The following CCSER1 variants were observed in gnomAD, a reference collection of about 807,000 sequenced individuals.
CCSER1 encodes the protein serine-rich coiled-coil domain-containing protein 1.
CCSER1 carries 41 observed loss-of-function variants against 82.0 expected under a neutral mutation model. The observed-to-expected ratio is 0.50, with a 90% CI of 0.39 to 0.65. CCSER1 has a LOEUF of 0.65. Among genes scored for constraint, CCSER1 ranks in the 30% least tolerant of loss-of-function variants. CCSER1 has a pLI of 0.00. For synonymous variants in CCSER1, 414 were observed against 383.9 expected (o/e 1.08, Z -0.92); for missense variants, 1,119 against 1,064.2 (o/e 1.05, Z -0.72).
intron 10 of CCSER1, among the ~76,000 whole-genome samples, chr4:91,540,009 C>A (rs904899586): frequency 2.0e-5 from 3 of 152,186 alleles, no homozygotes; most frequent in Middle Eastern, 6.8e-3. Flanking sequence ...ATAAGTAAGT[C>A]TCTAAAAATT....
chr4:90,783,480 C>T (rs1325054591), intron 7 of CCSER1, among the ~76,000 whole-genome samples: 2 of 152,112 alleles, frequency 1.3e-5, no homozygotes, highest in Non-Finnish European at 2.9e-5. Flanking sequence ...TAAGAAACTC[C>T]TGGGGATCAC....
intron 5 of CCSER1, among the ~76,000 whole-genome samples, chr4:90,492,938 A>G (rs1339425451): frequency 6.6e-6 from 1 of 152,162 alleles, no homozygotes; most frequent in African/African-American, 2.4e-5. Flanking sequence ...TTTACTTCCA[A>G]CTAGGCTTCA....
chr4:91,064,699 A>T (rs1056100149), intron 9 of CCSER1, among the ~76,000 whole-genome samples: 4 of 152,236 alleles, frequency 2.6e-5, no homozygotes, highest in African/African-American at 9.6e-5. Context: ...CAAACAAAAC[A>T]GCTTTATCAG....
chr4:90,632,958 A>G (rs1352088092), intron 6 of CCSER1, among the ~76,000 whole-genome samples: 1 of 152,098 alleles, frequency 6.6e-6, no homozygotes, highest in African/African-American at 2.4e-5. Context: ...CAGTCCCTGT[A>G]TATCTTTAAA....
chr4:91,475,353 G>T (rs1033368553), intron 10 of CCSER1, among the ~76,000 whole-genome samples: 1 of 151,874 alleles, frequency 6.6e-6, no homozygotes. Context: ...ATTTTAATGT[G>T]ATTTCAGAGC....
intron 10 of CCSER1, among the ~76,000 whole-genome samples, chr4:91,147,487 C>T (rs183536474): frequency 7.2e-5 from 11 of 152,266 alleles, no homozygotes; most frequent in Middle Eastern, 3.4e-3. Context: ...AGAGATTCCC[C>T]GCTCCCATGC....
At chr4:91,340,258 G>T (rs192908816) in intron 10 of CCSER1, among the ~76,000 whole-genome samples, 93 of 152,252 alleles carry the variant, frequency 6.1e-4, no homozygotes, top group African/African-American at 2.1e-3. Context: ...ATTTCTTATT[G>T]TACTACATTG....
At chr4:90,587,449 A>C (rs900257306) in intron 5 of CCSER1, among the ~76,000 whole-genome samples, 2 of 152,148 alleles carry the variant, frequency 1.3e-5, no homozygotes, top group Non-Finnish European at 2.9e-5. Context: ...ATCTCTACTA[A>C]AAATACAAAA....
At chr4:90,564,561 C>T (rs138840831) in intron 5 of CCSER1, among the ~76,000 whole-genome samples, 13 of 152,128 alleles carry the variant, frequency 8.5e-5, no homozygotes, top group African/African-American at 3.1e-4. Context: ...GCTTTAATTG[C>T]CTGTGCTTTT....
At position 90,786,938 on chromosome 4, in the gene CCSER1, T is replaced by G. The variant is rs532811111; in HGVS notation, c.2011-28824T>G. ...GGTTTCTATAACCCCCTTTTTGTGTTGGATTAACTTTCTGGAGTGGCTCAC... is the reference window on the plus strand; with the variant it reads ...GGTTTCTATAACCCCCTTTTTGTGTGGGATTAACTTTCTGGAGTGGCTCAC... On this transcript the variant is annotated intron_variant, in intron 7 of 10. Coordinates refer to ENST00000509176, the MANE Select transcript of CCSER1 (RefSeq NM_001145065.2). 5.9e-5 allele frequency among the ~76,000 whole-genome samples: 9 copies of G among 152,328 alleles called. No homozygotes were observed. The East Asian group carries it at 1.5e-3, about 26-fold the overall frequency.
At chr4:90,251,217 T>C (rs1359246008) in intron 1 of CCSER1, among the ~76,000 whole-genome samples, 4 of 151,948 alleles carry the variant, frequency 2.6e-5, no homozygotes, top group Non-Finnish European at 4.4e-5. Context: ...TTAAGTGTTA[T>C]AAATTTTTAC....
intron 5 of CCSER1, among the ~76,000 whole-genome samples, chr4:90,564,984 C>T (rs1779198162): frequency 6.6e-6 from 1 of 150,980 alleles, no homozygotes. Flanking sequence ...TCTTTTTGCT[C>T]AAGATTGCTT....
intron 3 of CCSER1, chr4:90,370,225 T>A (rs542025729): frequency 6.6e-6 from 1 of 152,226 alleles, no homozygotes; most frequent in African/African-American, 2.4e-5. Flanking sequence ...ACTTCACAGC[T>A]CCATGCTGGG....
chr4:91,508,160 G>GT (rs1759614696), intron 10 of CCSER1, among the ~76,000 whole-genome samples: 4 of 100,754 alleles, frequency 4.0e-5, no homozygotes, highest in Admixed American at 1.0e-4. Flanking sequence ...TTTTTTTTCT[G>GT]GGTTTTTTTT....
chr4:91,508,427 A>T (rs1382684108), intron 10 of CCSER1, among the ~76,000 whole-genome samples: 1 of 151,522 alleles, frequency 6.6e-6, no homozygotes, highest in East Asian at 1.9e-4. Context: ...ATTTTAGAAA[A>T]TTTTTACATC....
At chr4:91,463,911 C>T (rs1050024520) in intron 10 of CCSER1, among the ~76,000 whole-genome samples, 2 of 152,164 alleles carry the variant, frequency 1.3e-5, no homozygotes, top group South Asian at 2.1e-4. Flanking sequence ...GAGAATGGAA[C>T]CAAGTTGGCA....
At chr4:90,251,081 TTTTG>T (rs1225417212) in intron 1 of CCSER1, among the ~76,000 whole-genome samples, 1 of 151,908 alleles carries the variant, frequency 6.6e-6, no homozygotes, top group Non-Finnish European at 1.5e-5. Context: ...AATAGTTTAT[TTTTG>T]TTTGTGTATG....
chr4:90,835,928 A>G (rs1761752622), intron 8 of CCSER1, among the ~76,000 whole-genome samples: 1 of 152,178 alleles, frequency 6.6e-6, no homozygotes, highest in Non-Finnish European at 1.5e-5. Flanking sequence ...CAGTGACTCT[A>G]TTTAATTAAG....
chr4:91,307,514 C>T (rs942459212), intron 10 of CCSER1, among the ~76,000 whole-genome samples: 1 of 151,892 alleles, frequency 6.6e-6, no homozygotes, highest in Non-Finnish European at 1.5e-5. Context: ...TTTATTTTCC[C>T]TGCAACTTGG....
Sources: gnomAD v4.1 joint callset for allele counts (sites outside exome capture counted in the v4.1 genomes callset) on GRCh38, gnomAD v4.1.1 for gene constraint, MANE v1.5 for transcripts, NCBI Gene and HGNC (gene_info 2026-07-23, HGNC 2026-07-21) for gene names.